PIBF1: variants seen among roughly 807,000 people sequenced by gnomAD.
PIBF1 encodes the protein progesterone immunomodulatory binding factor 1.
Under a neutral mutation model 112.5 loss-of-function variants are expected in PIBF1, and 90 were observed. That is an observed-to-expected ratio of 0.80 (90% CI 0.67 to 0.95). The LOEUF is 0.95. PIBF1 is among the 40% of genes least tolerant of loss of function. The probability of loss-of-function intolerance (pLI) is 0.00; values close to 1 mark genes in which losing one functional copy is unlikely to be tolerated. For synonymous variants in PIBF1, 301 were observed against 288.6 expected (o/e 1.04, Z -0.44); for missense variants, 915 against 852.3 (o/e 1.07, Z -0.92).
intron 11 of PIBF1, among the ~76,000 whole-genome samples, chr13:72,904,481 C>G (rs1320248566): frequency 1.2e-5 from 1 of 82,532 alleles, no homozygotes; most frequent in Non-Finnish European, 2.5e-5. Flanking sequence ...TGCTCTGTCA[C>G]CCTGGCTGGA....
rs552307459 is a variant in PIBF1 at position 72,783,537 on chromosome 13, T to G, written c.68T>G (p.Ile23Ser). Residue 23 changes from isoleucine to serine, a missense_variant, in exon 2 of 18, where the codon ATT becomes AGT. Coordinates refer to ENST00000326291, the MANE Select transcript of PIBF1 (RefSeq NM_006346.4). ...NISSSLESED[I>S]SLETTVPTDD... ...TCTAGTTCTCTGGAATCTGAAGATA[T>G]TAGTTTAGAAACAACAGTTCCTACG... The G allele has an allele frequency of 6.2e-7, 1 of 1,613,414 alleles. No individual in the cohort carries two copies. The highest frequency in any genetic ancestry group is 1.3e-5 in the African/African-American group (1 of 74,920).
At position 72,883,733 on chromosome 13, in the gene PIBF1, C is replaced by A. The variant is rs752097006; in HGVS notation, c.1323-10051C>A. On this transcript the variant is annotated intron_variant, in intron 10 of 17. Transcript: ENST00000326291. ...AAACTCCTGACCTCAAATAATCCGC[C>A]CACCTCAGCCTCCCAAACTTCTGGA... Among the ~76,000 whole-genome samples, 30 of 152,284 alleles carry A rather than the reference C, an allele frequency of 2.0e-4. No individual in the cohort carries two copies. The Middle Eastern group carries it at 0.01, about 52-fold the overall frequency.
intron 17 of PIBF1, among the ~76,000 whole-genome samples, chr13:73,003,877 TTTTC>T (rs2043950911): frequency 6.6e-6 from 1 of 151,902 alleles, no homozygotes; most frequent in Admixed American, 6.6e-5. Context: ...ACCCAGCTAT[TTTTC>T]TTTATTTTTT....
intron 8 of PIBF1, among the ~76,000 whole-genome samples, chr13:72,833,600 T>A (rs1448804158): frequency 6.6e-6 from 1 of 152,342 alleles, no homozygotes; most frequent in East Asian, 1.9e-4. Context: ...CAAAGATTGC[T>A]GCCTGATCTT....
At chr13:73,012,123 G>A (rs868000102) in intron 17 of PIBF1, among the ~76,000 whole-genome samples, 6 of 152,224 alleles carry the variant, frequency 3.9e-5, no homozygotes, top group Admixed American at 2.6e-4. Flanking sequence ...AGGCCGAGGC[G>A]AGCAGATCAC....
chr13:72,878,179 A>G (rs2039487381), intron 10 of PIBF1, among the ~76,000 whole-genome samples: 1 of 151,268 alleles, frequency 6.6e-6, no homozygotes, highest in Non-Finnish European at 1.5e-5. Flanking sequence ...TTTTTGTGGT[A>G]ATTATTTTCT....
intron 5 of PIBF1, among the ~76,000 whole-genome samples, chr13:72,820,157 A>T (rs1201042267): frequency 6.6e-6 from 1 of 152,108 alleles, no homozygotes; most frequent in Non-Finnish European, 1.5e-5. Flanking sequence ...ATTACTTGAT[A>T]TATGCTTCAC....
At chr13:72,896,990 A>G (rs530137192) in intron 11 of PIBF1, among the ~76,000 whole-genome samples, 2 of 152,146 alleles carry the variant, frequency 1.3e-5, no homozygotes, top group African/African-American at 2.4e-5. Flanking sequence ...GCCTAGGCAC[A>G]TTGTCGTCAG....
chr13:72,979,782 CATG>C (rs2043110570), intron 16 of PIBF1, among the ~76,000 whole-genome samples: 2 of 152,064 alleles, frequency 1.3e-5, no homozygotes, highest in East Asian at 1.9e-4. Flanking sequence ...TTTAGCCAGG[CATG>C]GTGGTGGGCG....
chr13:72,975,545 T>C (rs1246660817), intron 16 of PIBF1, among the ~76,000 whole-genome samples: 1 of 152,152 alleles, frequency 6.6e-6, no homozygotes, highest in African/African-American at 2.4e-5. Context: ...GAGGATTGTC[T>C]GTATCTGAGA....
chr13:72,973,614 C>A lies in PIBF1; in HGVS notation c.1988C>A (p.Ala663Asp). 6.4e-7 allele frequency: 1 copy of A among 1,567,828 alleles called. No individual in the cohort carries two copies. Among genetic ancestry groups the A allele is most frequent in the Non-Finnish European group, 8.6e-7 (1 of 1,157,586 alleles). The change falls in exon 16 of 18, where the codon GCT becomes GAT. Residue 663 changes from alanine (A) to aspartate (D), a missense_variant. Ala to Asp is a moderately radical substitution (Grantham distance 126). Coordinates refer to ENST00000326291, the MANE Select transcript of PIBF1 (RefSeq NM_006346.4). ...DVSNLNKEKSALLQTKNQMAL... is the reference protein window; with the variant it reads ...DVSNLNKEKSDLLQTKNQMAL... ...AGCAACTTAAATAAAGAAAAGTCAG[C>A]TTTACTACAGACGAAGAATCAAATG... is the stretch of plus-strand genomic sequence containing the variant.
chr13:72,838,193 C>T (rs929481421), intron 9 of PIBF1, among the ~76,000 whole-genome samples: 8 of 152,240 alleles, frequency 5.3e-5, no homozygotes, highest in Admixed American at 1.3e-4. Context: ...CAGCTAAATG[C>T]TAGACATCAT....
At chr13:72,930,992 G>A (rs189043146) in intron 13 of PIBF1, among the ~76,000 whole-genome samples, 173 bp from the exon 14 acceptor site, 28 of 152,218 alleles carry the variant, frequency 1.8e-4, no homozygotes, top group South Asian at 6.2e-4. Context: ...GAGTTGTGGG[G>A]TATTGGTCTT....
rs576107517 is a variant in PIBF1 at position 72,832,546 on chromosome 13, A to C, written c.1098-2697A>C. 1.5e-4 allele frequency among the ~76,000 whole-genome samples: 23 copies of C among 152,278 alleles called. 1 individual carries two copies. The South Asian group carries it at 3.7e-3, about 25-fold the overall frequency. On this transcript the variant is annotated intron_variant, in intron 8 of 17. Transcript: ENST00000326291. ...ACAAAGCTTAGTTTGGCTGGATATGAAATTCTGGGTTGAAAATTCTTTTCT... is the reference window on the plus strand; with the variant it reads ...ACAAAGCTTAGTTTGGCTGGATATGCAATTCTGGGTTGAAAATTCTTTTCT...
rs1337922544 is a variant in PIBF1 at position 72,795,347 on chromosome 13, C to T, written c.354-12C>T. 5.3e-6 allele frequency: 8 copies of T among 1,516,532 alleles called. No individual in the cohort carries two copies. Among genetic ancestry groups the T allele is most frequent in the African/African-American group, 1.4e-5 (1 of 71,894 alleles). The allele number at this position is 1,516,532 out of a possible 1,614,324, so 93.9% of individuals were successfully genotyped here. On this transcript the variant is annotated splice_polypyrimidine_tract_variant and intron_variant, in intron 3 of 17. Coordinates refer to ENST00000326291, the MANE Select transcript of PIBF1 (RefSeq NM_006346.4). ...TTTTTTAAAGCCTGCCATAAATTCTCTTCTAATGTAGCAAATATCAAGAAT... is the reference window on the plus strand; with the variant it reads ...TTTTTTAAAGCCTGCCATAAATTCTTTTCTAATGTAGCAAATATCAAGAAT...
chr13:72,814,951 C>A (rs2036197117), intron 5 of PIBF1, among the ~76,000 whole-genome samples: 1 of 152,102 alleles, frequency 6.6e-6, no homozygotes, highest in Non-Finnish European at 1.5e-5. Flanking sequence ...TGATTTAGAA[C>A]AGTTACCATA....
intron 14 of PIBF1, among the ~76,000 whole-genome samples, chr13:72,948,405 C>T (rs1317641003): frequency 1.3e-5 from 2 of 152,140 alleles, no homozygotes; most frequent in African/African-American, 4.8e-5. Context: ...CCTCAGTCAG[C>T]CTGGACCTTT....
intron 14 of PIBF1, among the ~76,000 whole-genome samples, chr13:72,949,597 G>A (rs575409589): frequency 2.0e-5 from 3 of 152,240 alleles, no homozygotes; most frequent in South Asian, 2.1e-4. Flanking sequence ...GATTACAGGC[G>A]TGAGCCACGG....
At chr13:72,941,018 A>G (rs1229101240) in intron 14 of PIBF1, among the ~76,000 whole-genome samples, 2 of 152,138 alleles carry the variant, frequency 1.3e-5, no homozygotes, top group Non-Finnish European at 2.9e-5. Flanking sequence ...CACCTTGGTT[A>G]TTACTTCTAT....
Sources: gnomAD v4.1 joint callset for allele counts (sites outside exome capture counted in the v4.1 genomes callset) on GRCh38, gnomAD v4.1.1 for gene constraint, MANE v1.5 for transcripts, NCBI Gene and HGNC (gene_info 2026-07-23, HGNC 2026-07-21) for gene names.